The following BRINP3 variants were observed in gnomAD, a reference collection of about 807,000 sequenced individuals.
The protein encoded by BRINP3 is BMP/retinoic acid inducible neural specific 3.
Under a neutral mutation model 71.0 loss-of-function variants are expected in BRINP3, and 19 were observed. That is an observed-to-expected ratio of 0.27 (90% CI 0.19 to 0.39). The LOEUF (loss-of-function observed/expected upper bound fraction) is 0.39, where lower values mean the gene tolerates loss of function less well. Ranked by LOEUF, BRINP3 falls within the 10% of genes least tolerant of loss-of-function variation. BRINP3 has a pLI of 1.00. For missense variants in BRINP3, 959 were observed against 940.8 expected (o/e 1.02, Z -0.25); for synonymous variants, 380 against 337.7 (o/e 1.13, Z -1.37).
chr1:190,266,165 AC>A (rs1052564026), intron 3 of BRINP3, among the ~76,000 whole-genome samples: 3 of 152,196 alleles, frequency 2.0e-5, no homozygotes, highest in Non-Finnish European at 2.9e-5. Context: ...TCTTTCAGCA[AC>A]CCTTTTGTTT....
chr1:190,104,453 C>G (rs1181183554), intron 7 of BRINP3, among the ~76,000 whole-genome samples: 10 of 152,152 alleles, frequency 6.6e-5, no homozygotes, highest in Non-Finnish European at 1.3e-4. Flanking sequence ...GTTATTCCTA[C>G]TATCATCTTT....
At chr1:190,180,211 G>A (rs1298112277) in intron 6 of BRINP3, among the ~76,000 whole-genome samples, 1 of 152,120 alleles carries the variant, frequency 6.6e-6, no homozygotes, top group East Asian at 1.9e-4. Flanking sequence ...AATTTCACCT[G>A]TTTGGTATAT....
chr1:190,439,534 T>C (rs1226403135), intron 2 of BRINP3, among the ~76,000 whole-genome samples: 1 of 151,500 alleles, frequency 6.6e-6, no homozygotes, highest in Non-Finnish European at 1.5e-5. Context: ...TAAGAGTACG[T>C]GTGTGTGTGT....
At chr1:190,188,836 C>G (rs983248623) in intron 6 of BRINP3, among the ~76,000 whole-genome samples, 1 of 152,032 alleles carries the variant, frequency 6.6e-6, no homozygotes, top group Middle Eastern at 3.4e-3. Flanking sequence ...TCTCGGCTCA[C>G]TGCAACCTCT....
intron 7 of BRINP3, among the ~76,000 whole-genome samples, chr1:190,149,130 AAC>A (rs2102415076): frequency 6.6e-6 from 1 of 152,386 alleles, no homozygotes; most frequent in South Asian, 2.1e-4. Context: ...AAGCATTTAG[AAC>A]AGTGTTTGAC....
intron 2 of BRINP3, among the ~76,000 whole-genome samples, chr1:190,345,488 AT>A (rs1293362099): frequency 6.6e-6 from 1 of 151,588 alleles, no homozygotes; most frequent in African/African-American, 2.4e-5. Context: ...TGGAAATACA[AT>A]ATTATTAGTA....
In BRINP3 at chr1:190,108,033, T is replaced by G. The variant is rs568287586; in HGVS notation, c.1185-8899A>C. On this transcript the variant is annotated intron_variant, in intron 7 of 7. Coordinates refer to ENST00000367462, the MANE Select transcript of BRINP3 (RefSeq NM_199051.3). ...TCAAAACTGGTCATCTTTAAAATGCTAATGTAGATGGAGATACTGGAGCTG... is the reference window on the plus strand; with the variant it reads ...TCAAAACTGGTCATCTTTAAAATGCGAATGTAGATGGAGATACTGGAGCTG... 4.6e-5 allele frequency among the ~76,000 whole-genome samples: 7 copies of G among 152,136 alleles called. No homozygotes were observed. In the South Asian group the frequency reaches 1.5e-3, roughly 32 times the overall value.
At chr1:190,210,623 C>G (rs989539008) in intron 6 of BRINP3, among the ~76,000 whole-genome samples, 35 of 151,982 alleles carry the variant, frequency 2.3e-4, no homozygotes, top group African/African-American at 8.5e-4. Flanking sequence ...TTCTTCATAC[C>G]TGAATGACAA....
At chr1:190,260,610 G>T (rs1029328784) in intron 4 of BRINP3, among the ~76,000 whole-genome samples, 1 of 151,804 alleles carries the variant, frequency 6.6e-6, no homozygotes, top group East Asian at 1.9e-4. Flanking sequence ...TACTGATTTT[G>T]CCCCCAAATA....
chr1:190,181,871 T>G (rs1041830475), intron 6 of BRINP3, among the ~76,000 whole-genome samples: 2 of 152,148 alleles, frequency 1.3e-5, no homozygotes, highest in Admixed American at 6.6e-5. Context: ...TTTAGGGAAC[T>G]TTGCTAGCCA....
chr1:190,188,452 A>C (rs1653733971), intron 6 of BRINP3, among the ~76,000 whole-genome samples: 1 of 152,094 alleles, frequency 6.6e-6, no homozygotes, highest in Non-Finnish European at 1.5e-5. Flanking sequence ...TTTTAGAGTA[A>C]AATCTTTCAA....
At chr1:190,101,174 C>A (rs1651669294) in intron 7 of BRINP3, among the ~76,000 whole-genome samples, 1 of 152,144 alleles carries the variant, frequency 6.6e-6, no homozygotes, top group African/African-American at 2.4e-5. Flanking sequence ...TCTCTTACAG[C>A]AGCATGAAGT....
chr1:190,423,315 T>TA (rs1281276692), intron 2 of BRINP3, among the ~76,000 whole-genome samples: 4 of 151,506 alleles, frequency 2.6e-5, no homozygotes, highest in Non-Finnish European at 4.4e-5. Context: ...TCAATTTATT[T>TA]AAAAAAATCA....
At chr1:190,242,309 T>G in intron 4 of BRINP3, among the ~76,000 whole-genome samples, 1 of 152,186 alleles carries the variant, frequency 6.6e-6, no homozygotes, top group African/African-American at 2.4e-5. Context: ...TTCTTGCATC[T>G]CAACACAAAA....
At chr1:190,132,273 A>G (rs1159393764) in intron 7 of BRINP3, among the ~76,000 whole-genome samples, 9 of 152,052 alleles carry the variant, frequency 5.9e-5, no homozygotes, top group Admixed American at 5.9e-4. Context: ...ACCTAACATT[A>G]TAACTTCATT....
At chr1:190,473,080 A>T (rs1302364254) in intron 1 of BRINP3, among the ~76,000 whole-genome samples, 1 of 151,914 alleles carries the variant, frequency 6.6e-6, no homozygotes, top group Non-Finnish European at 1.5e-5. Context: ...GGAAAACATT[A>T]TTAAAACAAC....
At chr1:190,373,129 A>G (rs767621785) in intron 2 of BRINP3, among the ~76,000 whole-genome samples, 1 of 152,098 alleles carries the variant, frequency 6.6e-6, no homozygotes, top group Non-Finnish European at 1.5e-5. Context: ...AACACTGAAT[A>G]AAATTAAAAT....
At chr1:190,351,351 A>G (rs1022879286) in intron 2 of BRINP3, among the ~76,000 whole-genome samples, 1 of 152,038 alleles carries the variant, frequency 6.6e-6, no homozygotes, top group African/African-American at 2.4e-5. Flanking sequence ...TTGGACTCTC[A>G]TTTTGCTTAC....
In BRINP3 at chr1:190,419,013, T is replaced by C. The variant is rs533463925; in HGVS notation, c.236+35642A>G. The stretch of plus-strand genomic sequence containing the variant: ...TGTTTCTGATACTAAATGATTTTCA[T>C]ACAAAATCTGAATTATTCTATATTT... On this transcript the variant is annotated intron_variant, in intron 2 of 7. Transcript: ENST00000367462. Among the ~76,000 whole-genome samples, 8 of 152,236 alleles carry C rather than the reference T, an allele frequency of 5.3e-5. No individual in the cohort carries two copies. In the South Asian group the frequency reaches 1.4e-3, roughly 28 times the overall value.
Sources: gnomAD v4.1 joint callset for allele counts (sites outside exome capture counted in the v4.1 genomes callset) on GRCh38, gnomAD v4.1.1 for gene constraint, MANE v1.5 for transcripts, NCBI Gene and HGNC (gene_info 2026-07-23, HGNC 2026-07-21) for gene names.